The following CD163L1 variants were observed in gnomAD, a reference collection of about 807,000 sequenced individuals.
CD163L1 encodes the protein scavenger receptor cysteine-rich type 1 protein M160.
A neutral mutation model predicts 165.4 loss-of-function variants in CD163L1; 124 were observed. The observed-to-expected ratio is 0.75, with a 90% CI of 0.65 to 0.87. The LOEUF (loss-of-function observed/expected upper bound fraction) is 0.87. Among genes scored for constraint, CD163L1 ranks in the 40% least tolerant of loss-of-function variants. The pLI, the probability that CD163L1 is intolerant of heterozygous loss-of-function variation, is 0.00. For missense variants in CD163L1, 1,525 were observed against 1,799.9 expected (o/e 0.85, Z 2.76); for synonymous variants, 585 against 662.2 (o/e 0.88, Z 1.79).
intron 14 of CD163L1, among the ~76,000 whole-genome samples, chr12:7,371,343 A>C (rs1443493238): frequency 6.6e-6 from 1 of 152,200 alleles, no homozygotes; most frequent in African/African-American, 2.4e-5. Flanking sequence ...ACTACCCAAA[A>C]TAGCTATAGT....
chr12:7,406,518 G>C lies in CD163L1; in HGVS notation c.1087+14C>G. 1.9e-6 allele frequency: 3 copies of C among 1,607,226 alleles called. No individual in the cohort carries two copies. Among genetic ancestry groups the C allele is most frequent in the Non-Finnish European group, 2.5e-6 (3 of 1,178,202 alleles). ...AAATTTTATCTGATGTAATCATGTG[G>C]ATGTAAGTCTTACCTGAGCAGATCA... On this transcript the variant is annotated intron_variant, in intron 5 of 19. Coordinates refer to ENST00000313599, the MANE Select transcript of CD163L1 (RefSeq NM_174941.6).
the CD163L1 span, among the ~76,000 whole-genome samples, chr12:7,331,564 G>A: frequency 2.0e-5 from 3 of 152,164 alleles, no homozygotes; most frequent in East Asian, 1.9e-4. Context: ...TCACACGTCC[G>A]GGTACTCCCC....
At chr12:7,396,660 C>G (rs988888228) in intron 7 of CD163L1, among the ~76,000 whole-genome samples, 1 of 152,114 alleles carries the variant, frequency 6.6e-6, no homozygotes, top group Non-Finnish European at 1.5e-5. Context: ...CTGAAGTCCC[C>G]CAAGAAAGAA....
chr12:7,423,587 C>A (rs966038244), intron 4 of CD163L1, among the ~76,000 whole-genome samples: 3 of 151,744 alleles, frequency 2.0e-5, no homozygotes, highest in Non-Finnish European at 4.4e-5. Flanking sequence ...ACTAGCCAGA[C>A]TAATAAGAAA....
At chr12:7,430,122 A>C (rs1009615392) in intron 4 of CD163L1, among the ~76,000 whole-genome samples, 5 of 152,200 alleles carry the variant, frequency 3.3e-5, no homozygotes, top group Admixed American at 6.5e-5. Context: ...AATTCTAAAG[A>C]CTTACATTAA....
At position 7,347,545 on chromosome 12, in the gene CD163L1, C is replaced by G. The variant is rs534346013; in HGVS notation, c.*25-398G>C. 6.6e-6 allele frequency among the ~76,000 whole-genome samples: 1 copy of G among 151,938 alleles called. No homozygotes were observed. The highest frequency in any genetic ancestry group is 1.9e-4 in the East Asian group (1 of 5,190). ...TTGTAATCCCAGCACTTTGGGAGGC[C>G]GAGGCAGGTGGATCACGAGGTCAGG... On this transcript the variant is annotated intron_variant, in intron 4 of 4. Transcript: ENST00000539726. This position sits in a 1 kb window ranked among gnomAD's most constrained non-coding sequence, Gnocchi z 4.2.
chr12:7,391,106 A>T (rs1342970319), intron 8 of CD163L1, among the ~76,000 whole-genome samples: 2 of 152,216 alleles, frequency 1.3e-5, no homozygotes, highest in Non-Finnish European at 2.9e-5. Flanking sequence ...GCAAACTCCA[A>T]CAGGCCTGCA....
chr12:7,392,721 G>C (rs987646456), intron 8 of CD163L1, among the ~76,000 whole-genome samples: 2 of 151,978 alleles, frequency 1.3e-5, no homozygotes, highest in African/African-American at 2.4e-5. Context: ...AGATGCAATA[G>C]AAAATGACAA....
intron 2 of CD163L1, among the ~76,000 whole-genome samples, chr12:7,437,132 TTTA>T (rs1948725642): frequency 2.3e-5 from 2 of 85,392 alleles, no homozygotes; most frequent in Admixed American, 2.6e-4. Flanking sequence ...TTTTATTTAT[TTTA>T]TTTATTATTT....
At chr12:7,358,114 C>T (rs1946816324) in intron 18 of CD163L1, among the ~76,000 whole-genome samples, 1 of 152,140 alleles carries the variant, frequency 6.6e-6, no homozygotes, top group Admixed American at 6.6e-5. Flanking sequence ...GGGCAAACCA[C>T]TACCACCAAA....
At chr12:7,364,873 G>A (rs772691351) in intron 18 of CD163L1, among the ~76,000 whole-genome samples, 28 of 151,996 alleles carry the variant, frequency 1.8e-4, no homozygotes, top group Non-Finnish European at 3.5e-4. Context: ...CGGATTCAAC[G>A]CAATCTCTTT....
At chr12:7,427,819 T>C (rs1034650510) in intron 4 of CD163L1, among the ~76,000 whole-genome samples, 1 of 152,102 alleles carries the variant, frequency 6.6e-6, no homozygotes, top group South Asian at 2.1e-4. Flanking sequence ...CTGTATTTAA[T>C]GGTACTGGTC....
intron 7 of CD163L1, 109 bp from the exon 8 acceptor site, chr12:7,396,524 T>C (rs1947780070): frequency 9.5e-7 from 1 of 1,056,016 alleles, no homozygotes; most frequent in Non-Finnish European, 1.3e-6. Context: ...CCAGTCTAGA[T>C]GGTGCTGTGA....
chr12:7,413,498 A>C (rs1948178297), intron 4 of CD163L1, among the ~76,000 whole-genome samples: 1 of 152,204 alleles, frequency 6.6e-6, no homozygotes, highest in African/African-American at 2.4e-5. Flanking sequence ...AAACCTGCTC[A>C]CATGCCATGT....
chr12:7,344,236 T>C (rs1308758675), downstream of CD163L1, among the ~76,000 whole-genome samples: 2 of 151,968 alleles, frequency 1.3e-5, no homozygotes, highest in Non-Finnish European at 2.9e-5. Context: ...ATGTGTCACC[T>C]CACTTGGCTA....
At chr12:7,333,332 A>C in the CD163L1 span, among the ~76,000 whole-genome samples, 1 of 152,210 alleles carries the variant, frequency 6.6e-6, no homozygotes, top group Non-Finnish European at 1.5e-5. Context: ...CAGGATTAAG[A>C]AACTCACTCA....
Position 7,379,070 on chromosome 12 carries a change from G to C in CD163L1, c.2279C>G (p.Thr760Ser). ...LHILMSNSGC[T>S]GGEASLWDCI... ...ATCCCAGAGAGAGGCTTCCCCTCCA[G>C]TGCAGCCAGAATTCGACATTAAGAT... is the stretch of plus-strand genomic sequence containing the variant. The change falls in exon 9 of 20, where the codon ACT becomes AGT. Residue 760 changes from threonine to serine, a missense_variant. Thr to Ser is a moderately conservative substitution (Grantham distance 58). Coordinates refer to ENST00000313599, the MANE Select transcript of CD163L1 (RefSeq NM_174941.6). 6.2e-7 allele frequency: 1 copy of C among 1,614,140 alleles called. No homozygotes were observed. The highest frequency in any genetic ancestry group is 8.5e-7 in the Non-Finnish European group (1 of 1,180,004).
At chr12:7,345,422 T>G (rs1006795308), downstream of CD163L1, among the ~76,000 whole-genome samples, 2 of 152,170 alleles carry the variant, frequency 1.3e-5, no homozygotes, top group Non-Finnish European at 2.9e-5. Flanking sequence ...TAACCTTTAC[T>G]CCAGTTTCCA....
At chr12:7,323,300 C>A in the CD163L1 span, 1 of 1,610,752 alleles carries the variant, frequency 6.2e-7, no homozygotes. Context: ...AGGAATGCTG[C>A]CCTATGATGT....
Sources: gnomAD v4.1 joint callset for allele counts (sites outside exome capture counted in the v4.1 genomes callset) on GRCh38, gnomAD v4.1.1 for gene constraint, Gnocchi (gnomAD v3.1) non-coding constraint, MANE v1.5 for transcripts, NCBI Gene and HGNC (gene_info 2026-07-23, HGNC 2026-07-21) for gene names.